Variants in PDE7A observed in about 807,000 individuals in gnomAD.
The protein encoded by PDE7A is phosphodiesterase 7A.
A neutral mutation model predicts 64.3 loss-of-function variants in PDE7A; 39 were observed. The ratio of observed to expected loss-of-function variants is 0.61; its 90% CI spans 0.47 to 0.79. The LOEUF (loss-of-function observed/expected upper bound fraction) is 0.79, where lower values mean the gene tolerates loss of function less well. Ranked by LOEUF, PDE7A falls within the 30% of genes least tolerant of loss-of-function variation. PDE7A has a pLI of 0.00. For synonymous variants in PDE7A, 203 were observed against 206.8 expected (o/e 0.98, Z 0.16); for missense variants, 470 against 582.8 (o/e 0.81, Z 1.99).
intron 1 of PDE7A, among the ~76,000 whole-genome samples, chr8:65,784,833 T>A (rs757423291): frequency 4.6e-5 from 7 of 151,872 alleles, no homozygotes; most frequent in Admixed American, 1.3e-4. Flanking sequence ...TTAAAAAAAA[T>A]ATAAAAAAAT....
chr8:65,801,539 CA>C (rs1406197755), intron 1 of PDE7A, among the ~76,000 whole-genome samples: 1 of 151,954 alleles, frequency 6.6e-6, no homozygotes, highest in Non-Finnish European at 1.5e-5. Context: ...AAGTATAGAG[CA>C]CCCCCCAGTA....
chr8:65,820,241 C>A (rs1318858726), intron 1 of PDE7A, among the ~76,000 whole-genome samples: 1 of 152,096 alleles, frequency 6.6e-6, no homozygotes, highest in Non-Finnish European at 1.5e-5. Context: ...ACTAAAAATA[C>A]AATAATTAGC....
chr8:65,730,171 C>CTTTTTTT lies in PDE7A; in HGVS notation c.697-2877_697-2871dup, dbSNP rs1179431555. Among the ~76,000 whole-genome samples, 233 of 86,412 alleles carry CTTTTTTT rather than the reference C, an allele frequency of 2.7e-3. 29 individuals carry two copies. Among genetic ancestry groups the CTTTTTTT allele is most frequent in the African/African-American group, 6.6e-3 (139 of 20,914 alleles). 56.7% of individuals were successfully genotyped at this position (86,412 alleles called of 152,430 possible). A position where few individuals can be genotyped will look rare whatever the true frequency, so the allele number is the denominator to read the frequency against. On this transcript the variant is annotated intron_variant, in intron 7 of 12. Transcript: ENST00000401827. Reference sequence around the variant, plus strand: ...TGTGAGGGATCCAGGTTGCGCACTTCTTTTTTTTTTTTTTTTTTTTTTTTT... The same window carrying CTTTTTTT: ...TGTGAGGGATCCAGGTTGCGCACTTCTTTTTTTTTTTTTTTTTTTTTTTTTTTTTTTT...
intron 7 of PDE7A, chr8:65,728,126 G>C (rs1473573382): frequency 2.0e-5 from 3 of 152,144 alleles, no homozygotes; most frequent in African/African-American, 7.2e-5. Flanking sequence ...CCACTCATCA[G>C]AGCATGGTAT....
At chr8:65,813,903 T>C (rs897614122) in intron 1 of PDE7A, among the ~76,000 whole-genome samples, 1 of 152,238 alleles carries the variant, frequency 6.6e-6, no homozygotes, top group Non-Finnish European at 1.5e-5. Context: ...TTGAGTTCTT[T>C]AATATCACAC....
chr8:65,838,056 C>G (rs1289643233), intron 1 of PDE7A, among the ~76,000 whole-genome samples: 1 of 151,054 alleles, frequency 6.6e-6, no homozygotes, highest in Non-Finnish European at 1.5e-5. Flanking sequence ...CAAATGATAA[C>G]TTAGCAACAA....
chr8:65,739,411 C>G, intron 6 of PDE7A, 91 bp downstream of exon 6: 1 of 1,364,080 alleles, frequency 7.3e-7, no homozygotes, highest in East Asian at 2.9e-5. Flanking sequence ...TGTTATAGAG[C>G]AATAGCTAAC....
chr8:65,812,602 C>CA (rs1175983386), intron 1 of PDE7A, among the ~76,000 whole-genome samples: 4 of 152,038 alleles, frequency 2.6e-5, no homozygotes, highest in African/African-American at 4.8e-5. Context: ...CCACCACACA[C>CA]AAAAAAACTA....
intron 1 of PDE7A, among the ~76,000 whole-genome samples, chr8:65,833,228 A>G (rs1274087205): frequency 6.6e-6 from 1 of 152,130 alleles, no homozygotes; most frequent in Non-Finnish European, 1.5e-5. Context: ...TGCTGGCTAA[A>G]ATCTGAGACT....
intron 10 of PDE7A, 56 bp downstream of exon 10, chr8:65,724,721 G>GTT (rs1806537597): frequency 7.0e-7 from 1 of 1,424,600 alleles, no homozygotes; most frequent in Middle Eastern, 1.8e-4. Context: ...TCATTTTTTA[G>GTT]TTTGACAGTC....
At position 65,842,047 on chromosome 8, in the gene PDE7A, G is replaced by T; in HGVS notation, c.-539C>A. The T allele has an allele frequency of 5.0e-6, 1 of 198,340 alleles. No individual in the cohort carries two copies. The highest frequency in any genetic ancestry group is 9.9e-6 in the Non-Finnish European group (1 of 101,060). 12.3% of individuals were successfully genotyped at this position (198,340 alleles called of 1,614,324 possible). A position where few individuals can be genotyped will look rare whatever the true frequency, so the allele number is the denominator to read the frequency against. On this transcript the variant is annotated 5_prime_UTR_variant, in exon 1 of 13. Transcript: ENST00000401827. ...CCTGACTTCACTCCGCCGCCGGCGCGAGCCCGGCGTAATTCACACTTTGCA... is the reference window on the plus strand; with the variant it reads ...CCTGACTTCACTCCGCCGCCGGCGCTAGCCCGGCGTAATTCACACTTTGCA...
At chr8:65,795,651 C>T (rs887792534) in intron 1 of PDE7A, among the ~76,000 whole-genome samples, 10 of 151,968 alleles carry the variant, frequency 6.6e-5, no homozygotes, top group African/African-American at 9.7e-5. Flanking sequence ...AGTCCATCAG[C>T]GTAGAAAGCC....
In PDE7A at chr8:65,734,798, G is replaced by C; in HGVS notation, c.692C>G (p.Pro231Arg). 6.4e-7 allele frequency: 1 copy of C among 1,568,872 alleles called. No individual in the cohort carries two copies. The highest frequency in any genetic ancestry group is 1.7e-4 in the Middle Eastern group (1 of 5,960). ...TQAMHCYLKE[P>R]KLANSVTPWD... ...AAATCAATGTCAACCTCTTACCTTA[G>C]GTTCCTTTAAGTAACAGTGCATGGC... Residue 231 changes from proline (P) to arginine (R), a missense_variant, in exon 7 of 13, where the codon CCT becomes CGT. Pro to Arg is a moderately radical substitution (Grantham distance 103). Coordinates refer to ENST00000401827, the MANE Select transcript of PDE7A (RefSeq NM_001242318.3).
chr8:65,825,852 A>T (rs1810659750), intron 1 of PDE7A, among the ~76,000 whole-genome samples: 1 of 152,212 alleles, frequency 6.6e-6, no homozygotes, highest in South Asian at 2.1e-4. Flanking sequence ...ATGGCGGTGA[A>T]GGTGGGGGGT....
Position 65,734,851 on chromosome 8 carries a change from G to C in PDE7A, c.639C>G (p.Asn213Lys). The change falls in exon 7 of 13, where the codon AAC becomes AAG. Residue 213 changes from asparagine to lysine, a missense_variant. By Grantham distance (94) the Asn-to-Lys change is moderately conservative (BLOSUM62 0). Transcript: ENST00000401827. ...GAGTAACATCCGCAGCGTGGACTGC[G>C]TTATGGTAAGGATTTTGACTGTGGT... ...EDYHSQNPYH[N>K]AVHAADVTQA... The C allele has an allele frequency of 1.2e-6, 2 of 1,612,472 alleles. No individual in the cohort carries two copies. Among genetic ancestry groups the C allele is most frequent in the Admixed American group, 1.7e-5 (1 of 60,008 alleles).
chr8:65,774,165 G>C (rs944478126), intron 3 of PDE7A, among the ~76,000 whole-genome samples: 2 of 152,106 alleles, frequency 1.3e-5, no homozygotes, highest in African/African-American at 4.8e-5. Context: ...TTTCTGCTAC[G>C]TTATTGCAGA....
intron 3 of PDE7A, among the ~76,000 whole-genome samples, chr8:65,764,612 A>G (rs79472230): frequency 4.9e-4 from 75 of 152,372 alleles, no homozygotes; most frequent in East Asian, 3.5e-3. Flanking sequence ...GCTTCCAAAT[A>G]TAACAGAATC....
chr8:65,728,519 G>T (rs1052052579), intron 7 of PDE7A: 1 of 152,092 alleles, frequency 6.6e-6, no homozygotes, highest in African/African-American at 2.4e-5. Flanking sequence ...ACACGGAGAA[G>T]GTCAATGAAT....
Position 65,782,789 on chromosome 8 carries a change from T to C in PDE7A, c.193A>G (p.Met65Val). The change falls in exon 2 of 13, where the codon ATG (methionine) becomes GTG (valine). Residue 65 changes from methionine (M) to valine (V), a missense_variant. Transcript: ENST00000401827. Reference protein sequence around the residue: ...SSDQTALYIRMLGDVRVRSRA... With the variant: ...SSDQTALYIRVLGDVRVRSRA... Reference sequence around the variant, plus strand: ...TAAAATAAATAATGCTTACCTAGCATACGAATGTATAATGCAGTCTGATCA... The same window carrying C: ...TAAAATAAATAATGCTTACCTAGCACACGAATGTATAATGCAGTCTGATCA... 15 of 1,567,358 alleles carry C rather than the reference T, an allele frequency of 9.6e-6. No homozygotes were observed. Among genetic ancestry groups the C allele is most frequent in the Middle Eastern group, 1.7e-4 (1 of 5,968 alleles).
Sources: gnomAD v4.1 joint callset for allele counts (sites outside exome capture counted in the v4.1 genomes callset) on GRCh38, gnomAD v4.1.1 for gene constraint, MANE v1.5 for transcripts, NCBI Gene and HGNC (gene_info 2026-07-23, HGNC 2026-07-21) for gene names.